The following ASXL2 variants were observed in gnomAD, a reference collection of about 807,000 sequenced individuals.
The protein encoded by ASXL2 is ASXL transcriptional regulator 2, also known as putative Polycomb group protein ASXL2.
In ASXL2, 23 loss-of-function variants were observed where a neutral mutation model predicts 122.0. The observed-to-expected ratio is 0.19, with a 90% CI of 0.14 to 0.27. ASXL2 has a LOEUF of 0.27. ASXL2 is among the 10% of genes least tolerant of loss of function. The pLI, the probability that ASXL2 is intolerant of heterozygous loss-of-function variation, is 1.00. For missense variants in ASXL2, 1,518 were observed against 1,713.8 expected, an observed-to-expected ratio of 0.89 and a Z score of 2.02; for synonymous variants, 650 against 637.0, an observed-to-expected ratio of 1.02 and a Z score of -0.31.
chr2:25,804,647 A>G (rs767277219), intron 4 of ASXL2, among the ~76,000 whole-genome samples: 1 of 152,216 alleles, frequency 6.6e-6, no homozygotes, highest in Non-Finnish European at 1.5e-5. Flanking sequence ...TTTCAGTTAC[A>G]TAAGCTAATA....
chr2:25,768,711 C>G, intron 7 of ASXL2, 31 bp downstream of exon 7: 1 of 1,597,106 alleles, frequency 6.3e-7, no homozygotes, highest in Non-Finnish European at 8.5e-7. Flanking sequence ...GAAAAAGAAA[C>G]TTCCATTGAA....
chr2:25,764,350 C>T (rs2088305884), intron 8 of ASXL2, among the ~76,000 whole-genome samples: 1 of 152,178 alleles, frequency 6.6e-6, no homozygotes, highest in Non-Finnish European at 1.5e-5. Flanking sequence ...AATTTTCTGG[C>T]TTCCCTGGGC....
At chr2:25,806,092 G>T in intron 4 of ASXL2, 137 bp downstream of exon 4, 1 of 570,534 alleles carries the variant, frequency 1.8e-6, no homozygotes, top group Non-Finnish European at 3.2e-6. Context: ...AAAATGTATT[G>T]GGTAGAGGTT....
At chr2:25,865,043 G>A (rs534319166) in intron 1 of ASXL2, among the ~76,000 whole-genome samples, 82 of 151,532 alleles carry the variant, frequency 5.4e-4, no homozygotes, top group African/African-American at 1.8e-3. Flanking sequence ...GCTTGGTCTC[G>A]AACTCCTGAC....
At chr2:25,831,522 T>G (rs2089451103) in intron 3 of ASXL2, among the ~76,000 whole-genome samples, 1 of 151,796 alleles carries the variant, frequency 6.6e-6, no homozygotes, top group African/African-American at 2.4e-5. Flanking sequence ...GGCATGGTGG[T>G]GCACACCTGT....
At chr2:25,773,140 G>A (rs1184051130) in intron 5 of ASXL2, among the ~76,000 whole-genome samples, 3 of 151,794 alleles carry the variant, frequency 2.0e-5, no homozygotes, top group Non-Finnish European at 4.4e-5. Flanking sequence ...CCCTGGAGGC[G>A]GAGGTTGCAG....
At position 25,765,540 on chromosome 2, in the gene ASXL2, A is replaced by G. The variant is rs370989002; in HGVS notation, c.775+2043T>C. Among the ~76,000 whole-genome samples, 70 of 152,254 alleles carry G rather than the reference A, an allele frequency of 4.6e-4. No individual in the cohort carries two copies. The South Asian group carries it at 9.7e-3, about 21-fold the overall frequency. ...GTGGCTATGTTACAAAAATTTCCACACTATTTCCCTTTACGCTCATTTGCT... is the reference window on the plus strand; with the variant it reads ...GTGGCTATGTTACAAAAATTTCCACGCTATTTCCCTTTACGCTCATTTGCT... On this transcript the variant is annotated intron_variant, in intron 8 of 12. Transcript: ENST00000435504.
At chr2:25,828,508 C>CAAAAAA (rs753879104) in intron 3 of ASXL2, among the ~76,000 whole-genome samples, 1 of 100,096 alleles carries the variant, frequency 1.0e-5, no homozygotes, top group Non-Finnish European at 1.9e-5. Context: ...AACTCCATTT[C>CAAAAAA]AAAAAAAAAA....
intron 5 of ASXL2, among the ~76,000 whole-genome samples, chr2:25,787,695 G>T (rs1192457799): frequency 6.6e-6 from 1 of 151,996 alleles, no homozygotes; most frequent in Non-Finnish European, 1.5e-5. Flanking sequence ...GATAAGAAGT[G>T]TGCAAAGACC....
chr2:25,835,932 G>C (rs1196229275), intron 2 of ASXL2, among the ~76,000 whole-genome samples: 2 of 152,134 alleles, frequency 1.3e-5, no homozygotes, highest in Non-Finnish European at 2.9e-5. Flanking sequence ...GTGGACTTAA[G>C]GTTTATTAGC....
intron 1 of ASXL2, among the ~76,000 whole-genome samples, chr2:25,860,530 T>C (rs1298591566): frequency 6.6e-6 from 1 of 150,756 alleles, no homozygotes; most frequent in Non-Finnish European, 1.5e-5. Flanking sequence ...CTGGCCAACA[T>C]GGTGAAACCC....
chr2:25,866,706 T>C (rs1261525518), intron 1 of ASXL2, among the ~76,000 whole-genome samples: 1 of 152,116 alleles, frequency 6.6e-6, no homozygotes, highest in Non-Finnish European at 1.5e-5. Context: ...CCTTAATTTT[T>C]TGTCAGAAAT....
chr2:25,835,894 T>A (rs2089504677), intron 2 of ASXL2, among the ~76,000 whole-genome samples: 1 of 152,240 alleles, frequency 6.6e-6, no homozygotes, highest in Non-Finnish European at 1.5e-5. Context: ...CATTTCAATT[T>A]CAAGGAGCCA....
chr2:25,746,364 A>G (rs1474387921), intron 12 of ASXL2, among the ~76,000 whole-genome samples: 1 of 152,186 alleles, frequency 6.6e-6, no homozygotes, highest in Admixed American at 6.5e-5. Context: ...TCTAAGAGCT[A>G]AATCTATTTC....
chr2:25,739,200 A>G lies in ASXL2; in HGVS notation c.*2829T>C, dbSNP rs2087785902. ...TAGTCACTGGAAATAATGCCAGGTC[A>G]TACCCTAAGAATAAGCTCAGCATTT... On this transcript the variant is annotated 3_prime_UTR_variant, in exon 13 of 13. Transcript: ENST00000435504. The G allele has an allele frequency of 6.5e-6, 1 of 154,014 alleles. No homozygotes were observed. Among genetic ancestry groups the G allele is most frequent in the South Asian group, 2.1e-4 (1 of 4,852 alleles). 9.5% of individuals were successfully genotyped at this position (154,014 alleles called of 1,614,324 possible). A position where few individuals can be genotyped will look rare whatever the true frequency, so the allele number is the denominator to read the frequency against.
At chr2:25,828,851 A>G (rs2089413622) in intron 3 of ASXL2, among the ~76,000 whole-genome samples, 1 of 150,440 alleles carries the variant, frequency 6.6e-6, no homozygotes, top group African/African-American at 2.5e-5. Flanking sequence ...AAAAAAAACA[A>G]CAACCTTGTC....
At position 25,750,425 on chromosome 2, in the gene ASXL2, A is replaced by T; in HGVS notation, c.1143-12T>A. ...GGCTCAGGCCAGAACTAAAAAGGGGAAAAAAGAAATATTCCAGTTGAAAAA... is the reference window on the plus strand; with the variant it reads ...GGCTCAGGCCAGAACTAAAAAGGGGTAAAAAGAAATATTCCAGTTGAAAAA... On this transcript the variant is annotated splice_polypyrimidine_tract_variant and intron_variant, in intron 11 of 12. Coordinates refer to ENST00000435504, the MANE Select transcript of ASXL2 (RefSeq NM_018263.6). 1 of 1,562,708 alleles carries T rather than the reference A, an allele frequency of 6.4e-7. No individual in the cohort carries two copies. The highest frequency in any genetic ancestry group is 1.2e-5 in the South Asian group (1 of 82,642).
intron 9 of ASXL2, among the ~76,000 whole-genome samples, chr2:25,758,053 T>C (rs1289916348): frequency 6.6e-6 from 1 of 152,154 alleles, no homozygotes; most frequent in Non-Finnish European, 1.5e-5. Context: ...AAGAGTTATG[T>C]AGGGAGAGCA....
intron 5 of ASXL2, among the ~76,000 whole-genome samples, chr2:25,785,984 T>C (rs928512031): frequency 2.0e-5 from 3 of 152,176 alleles, no homozygotes; most frequent in African/African-American, 2.4e-5. Context: ...ACGCAAACTA[T>C]GAGCAAATAA....
Sources: gnomAD v4.1 joint callset for allele counts (sites outside exome capture counted in the v4.1 genomes callset) on GRCh38, gnomAD v4.1.1 for gene constraint, MANE v1.5 for transcripts, NCBI Gene and HGNC (gene_info 2026-07-23, HGNC 2026-07-21) for gene names.